NPAS3: variants seen among roughly 807,000 people sequenced by gnomAD.
The protein encoded by NPAS3 is neuronal PAS domain protein 3.
In NPAS3, 14 loss-of-function variants were observed where a neutral mutation model predicts 73.1. The ratio of observed to expected loss-of-function variants is 0.19; its 90% CI spans 0.13 to 0.30. The LOEUF is 0.30. NPAS3 is among the 10% of genes least tolerant of loss of function. NPAS3 has a pLI of 1.00. For missense variants in NPAS3, 1,096 were observed against 1,250.0 expected (o/e 0.88, Z 1.86); for synonymous variants, 620 against 541.5 (o/e 1.14, Z -2.01).
At chr14:33,390,322 GGAGAGAAA>G (rs1382612262) in intron 4 of NPAS3, among the ~76,000 whole-genome samples, 3 of 152,126 alleles carry the variant, frequency 2.0e-5, no homozygotes, top group Non-Finnish European at 4.4e-5. Flanking sequence ...GGTAGTAATA[GGAGAGAAA>G]GAGTGCTGCC....
intron 3 of NPAS3, among the ~76,000 whole-genome samples, chr14:33,225,868 G>C (rs921961303): frequency 6.6e-6 from 1 of 152,132 alleles, no homozygotes; most frequent in African/African-American, 2.4e-5. Context: ...CATACTTTGA[G>C]TTGTAAAAGG....
At chr14:33,656,607 G>A (rs146063600) in intron 5 of NPAS3, among the ~76,000 whole-genome samples, 1 of 152,250 alleles carries the variant, frequency 6.6e-6, no homozygotes, top group African/African-American at 2.4e-5. Flanking sequence ...TATTTGAGGT[G>A]TATAGCATGA....
At chr14:33,308,321 T>G (rs1003067640) in intron 3 of NPAS3, among the ~76,000 whole-genome samples, 1 of 151,950 alleles carries the variant, frequency 6.6e-6, no homozygotes, top group Non-Finnish European at 1.5e-5. Flanking sequence ...AAACACTTTT[T>G]GGTCTTTATT....
intron 4 of NPAS3, among the ~76,000 whole-genome samples, chr14:33,525,994 A>C (rs1211263414): frequency 6.6e-6 from 1 of 152,204 alleles, no homozygotes; most frequent in African/African-American, 2.4e-5. Context: ...GAAAAAATAA[A>C]AGGAAAACAC....
intron 4 of NPAS3, among the ~76,000 whole-genome samples, chr14:33,423,122 G>C (rs923058719): frequency 1.1e-4 from 16 of 151,992 alleles, no homozygotes; most frequent in Non-Finnish European, 1.5e-5. Flanking sequence ...CATTTTGAAG[G>C]CAGGTCGGAA....
At position 33,113,496 on chromosome 14, in the gene NPAS3, G is replaced by A. The variant is rs1023193877; in HGVS notation, c.140+57502G>A. On this transcript the variant is annotated intron_variant, in intron 2 of 11. Coordinates refer to ENST00000356141, the Ensembl canonical transcript of NPAS3. ...CTGTTATTAGTGTATAAGAATGCTC[G>A]TGATTTTTGCACATTGATTTTGTAT... Among the ~76,000 whole-genome samples the A allele has an allele frequency of 2.8e-4, 43 of 152,112 alleles. 1 individual carries two copies. Among genetic ancestry groups the A allele is most frequent in the African/African-American group, 9.9e-4 (41 of 41,422 alleles).
intron 5 of NPAS3, among the ~76,000 whole-genome samples, chr14:33,588,135 A>G (rs1392615933): frequency 6.6e-6 from 1 of 152,196 alleles, no homozygotes; most frequent in Non-Finnish European, 1.5e-5. Context: ...ACGTTTTTCT[A>G]ATTATGAAGC....
At chr14:33,413,378 G>C (rs1297790705) in intron 4 of NPAS3, among the ~76,000 whole-genome samples, 1 of 152,042 alleles carries the variant, frequency 6.6e-6, no homozygotes, top group Non-Finnish European at 1.5e-5. Context: ...ACTTGTGTCT[G>C]TGCTGTGACT....
intron 3 of NPAS3, among the ~76,000 whole-genome samples, chr14:33,250,564 G>A (rs368993634): frequency 1.2e-4 from 19 of 152,164 alleles, no homozygotes; most frequent in African/African-American, 3.9e-4. Context: ...AAATCAATTC[G>A]CTAGACACTT....
rs534344146 is a variant in NPAS3, at chr14:33,088,743, A to AC, written c.140+32754dup. 1.8e-3 allele frequency among the ~76,000 whole-genome samples: 280 copies of AC among 152,082 alleles called. 1 individual carries two copies. Among genetic ancestry groups the AC allele is most frequent in the African/African-American group, 6.3e-3 (263 of 41,496 alleles). The stretch of plus-strand genomic sequence containing the variant: ...GACTGCCTCCTCAAGTGGGTCTCTG[A>AC]CCCCCGAGTAGCCTAACTGGGAGGA... On this transcript the variant is annotated intron_variant, in intron 2 of 11. Transcript: ENST00000356141.
rs10528551 is a variant in NPAS3, at chr14:33,307,593, A to ATGTGTGTGTGTGTGTGTG, written c.386-59591_386-59574dup. 9.3e-3 allele frequency among the ~76,000 whole-genome samples: 1,294 copies of ATGTGTGTGTGTGTGTGTG among 139,014 alleles called. 10 individuals carry two copies. Among genetic ancestry groups the ATGTGTGTGTGTGTGTGTG allele is most frequent in the Non-Finnish European group, 0.011 (740 of 65,924 alleles). The allele number at this position is 139,014 out of a possible 152,430, so 91.2% of individuals were successfully genotyped here. On this transcript the variant is annotated intron_variant, in intron 3 of 11. Transcript: ENST00000356141. ...TTTCACCTCACCAGGTTTTTTTTCA[A>ATGTGTGTGTGTGTGTGTG]TGTGTGTGTGTGTGTGTGTTCGTGT...
At chr14:33,606,470 C>T in intron 5 of NPAS3, among the ~76,000 whole-genome samples, 1 of 151,882 alleles carries the variant, frequency 6.6e-6, no homozygotes, top group Non-Finnish European at 1.5e-5. Context: ...AACAAAGATG[C>T]AAAGATAGTT....
intron 4 of NPAS3, among the ~76,000 whole-genome samples, chr14:33,501,413 C>G (rs1260512102): frequency 6.6e-6 from 1 of 151,778 alleles, no homozygotes; most frequent in Middle Eastern, 3.2e-3. Context: ...TGTTATTCTC[C>G]TTAATGTTTA....
rs202203234 is a variant in NPAS3, at chr14:33,250,322, C to CA, written c.385+34905dup. 1.2e-3 allele frequency among the ~76,000 whole-genome samples: 180 copies of CA among 149,102 alleles called. 1 individual carries two copies. Among genetic ancestry groups the CA allele is most frequent in the African/African-American group, 1.4e-3 (58 of 40,718 alleles). ...GTCTTCAAGATTGAGCCTACACATA[C>CA]AAAAAAAAAGAAGGAAAAAGAGGAT... On this transcript the variant is annotated intron_variant, in intron 3 of 11. Transcript: ENST00000356141.
chr14:33,192,722 T>C (rs1247646835), intron 2 of NPAS3, among the ~76,000 whole-genome samples: 1 of 152,242 alleles, frequency 6.6e-6, no homozygotes, highest in Non-Finnish European at 1.5e-5. Context: ...TCTAGTAACT[T>C]GAGTTTTTAA....
upstream of NPAS3, chr14:32,939,296 A>T: frequency 1.6e-6 from 1 of 619,502 alleles, no homozygotes; most frequent in Non-Finnish European, 2.9e-6. Context: ...AAAGTAAGAG[A>T]GGAAAAAAAA....
At chr14:33,068,887 A>AT (rs1466237729) in intron 2 of NPAS3, among the ~76,000 whole-genome samples, 1 of 152,082 alleles carries the variant, frequency 6.6e-6, no homozygotes, top group African/African-American at 2.4e-5. Flanking sequence ...TGGGGGCTGA[A>AT]TGAGCAAGGA....
intron 5 of NPAS3, among the ~76,000 whole-genome samples, chr14:33,590,803 C>G (rs1173466607): frequency 1.3e-5 from 2 of 152,156 alleles, no homozygotes; most frequent in African/African-American, 4.8e-5. Context: ...TCAGGATGAG[C>G]TCACAAATAT....
intron 4 of NPAS3, among the ~76,000 whole-genome samples, chr14:33,471,239 G>A (rs1301659956): frequency 2.0e-5 from 3 of 152,100 alleles, no homozygotes; most frequent in Non-Finnish European, 4.4e-5. Flanking sequence ...TTTCAAATTG[G>A]GACCTGAGAG....
Sources: gnomAD v4.1 joint callset for allele counts (sites outside exome capture counted in the v4.1 genomes callset) on GRCh38, gnomAD v4.1.1 for gene constraint, MANE v1.5 for transcripts, NCBI Gene and HGNC (gene_info 2026-07-23, HGNC 2026-07-21) for gene names.